The following LETM1 variants were observed in gnomAD, a reference collection of about 807,000 sequenced individuals.
LETM1 encodes the protein leucine zipper and EF-hand containing transmembrane protein 1, also known as mitochondrial proton/calcium exchanger protein.
LETM1 carries 50 observed loss-of-function variants against 74.5 expected under a neutral mutation model. That is an observed-to-expected ratio of 0.67 (90% confidence interval 0.53 to 0.85). LETM1 has a LOEUF of 0.85. Ranked by LOEUF, LETM1 falls within the 40% of genes least tolerant of loss-of-function variation. The pLI is 0.00. For synonymous variants in LETM1, 446 were observed against 407.1 expected, an observed-to-expected ratio of 1.10 and a Z score of -1.15; for missense variants, 824 against 967.8, an observed-to-expected ratio of 0.85 and a Z score of 1.97.
chr4:1,828,259 G>A (rs1355654240), intron 6 of LETM1, among the ~76,000 whole-genome samples: 27 of 126,294 alleles, frequency 2.1e-4, no homozygotes, highest in East Asian at 5.2e-4. Context: ...CGGACGGGGC[G>A]GCTGGCCGGG....
intron 8 of LETM1, 39 bp downstream of exon 8, chr4:1,823,605 T>C (rs914837906): frequency 1.5e-5 from 24 of 1,609,736 alleles, no homozygotes; most frequent in Non-Finnish European, 2.0e-5. Flanking sequence ...GAGCCACCTA[T>C]GAAGAGATGA....
rs1713235895 is a variant in LETM1, at chr4:1,856,128, C to A, written c.-178G>T. 1 of 348,874 alleles carries A rather than the reference C, an allele frequency of 2.9e-6. No individual in the cohort carries two copies. The highest frequency in any genetic ancestry group is 5.0e-6 in the Non-Finnish European group (1 of 198,916). The allele number at this position is 348,874 out of a possible 1,614,324, so 21.6% of individuals were successfully genotyped here. On this transcript the variant is annotated 5_prime_UTR_variant, in exon 1 of 14. Transcript: ENST00000302787. ...GACCCGGCACCAGCGGCGGCCTTGT[C>A]CCGGCACAGACGTCCGGAGGCGCGG... is the stretch of plus-strand genomic sequence containing the variant.
chr4:1,817,452 C>G (rs1267148523), intron 11 of LETM1, among the ~76,000 whole-genome samples: 1 of 149,332 alleles, frequency 6.7e-6, no homozygotes, highest in Non-Finnish European at 1.5e-5. Context: ...TGCCAGCTAC[C>G]CAGGAGTCTG....
intron 2 of LETM1, among the ~76,000 whole-genome samples, chr4:1,848,128 G>C (rs564507655): frequency 1.3e-5 from 2 of 152,120 alleles, no homozygotes; most frequent in Non-Finnish European, 2.9e-5. Flanking sequence ...TTTCTGCCAG[G>C]CATGGTGGCT....
At position 1,834,537 on chromosome 4, in the gene LETM1, C is replaced by A; in HGVS notation, c.876+308G>T. 1 of 1,143,850 alleles carries A rather than the reference C, an allele frequency of 8.7e-7. No individual in the cohort carries two copies. The highest frequency in any genetic ancestry group is 1.1e-6 in the Non-Finnish European group (1 of 927,852). 70.9% of individuals were successfully genotyped at this position (1,143,850 alleles called of 1,614,324 possible). On this transcript the variant is annotated intron_variant, in intron 5 of 13. Coordinates refer to ENST00000302787, the MANE Select transcript of LETM1 (RefSeq NM_012318.3). This position sits in a 1 kb window ranked among gnomAD's most constrained non-coding sequence, Gnocchi z 5.0. ...GCCCGGCCAAGCCACCCACACCTCA[C>A]ACCATCAGGGTCTCAGGCTCCTCAT...
chr4:1,831,622 C>G (rs897995768), intron 6 of LETM1, among the ~76,000 whole-genome samples: 1 of 152,258 alleles, frequency 6.6e-6, no homozygotes, highest in Non-Finnish European at 1.5e-5. Context: ...GGCTGGCCCC[C>G]TCAGCCTTCT....
chr4:1,840,697 A>AAAG (rs999725709), intron 3 of LETM1, among the ~76,000 whole-genome samples: 2 of 151,072 alleles, frequency 1.3e-5, no homozygotes, highest in African/African-American at 2.4e-5. Flanking sequence ...ATAAATATAA[A>AAAG]AATAATAATA....
At chr4:1,824,713 C>T (rs1007703809) in intron 7 of LETM1, among the ~76,000 whole-genome samples, 1 of 152,222 alleles carries the variant, frequency 6.6e-6, no homozygotes, top group Non-Finnish European at 1.5e-5. Context: ...GCAGGGACAG[C>T]ACCTGCCCCC....
chr4:1,835,048 T>A lies in LETM1; in HGVS notation c.739-66A>T, dbSNP rs577513480. On this transcript the variant is annotated intron_variant, in intron 4 of 13. Transcript: ENST00000302787. ...CTGTGGTTCGGGCAAGGAAAACATC[T>A]CACGCCTGTGCCCGACCCCCACTCC... 71 of 1,536,792 alleles carry A rather than the reference T, an allele frequency of 4.6e-5. 1 individual carries two copies. In the South Asian group the frequency reaches 7.9e-4, roughly 17 times the overall value.
intron 1 of LETM1, among the ~76,000 whole-genome samples, chr4:1,851,126 T>A (rs1415205725): frequency 2.0e-5 from 3 of 152,090 alleles, no homozygotes; most frequent in African/African-American, 7.2e-5. Context: ...TCAGAGCCCA[T>A]TGTGATCAAA....
intron 6 of LETM1, among the ~76,000 whole-genome samples, chr4:1,831,341 T>A (rs1712261702): frequency 6.6e-6 from 1 of 152,238 alleles, no homozygotes; most frequent in East Asian, 1.9e-4. Context: ...ACAGCGGTGC[T>A]GCTTGCTACC....
chr4:1,823,899 CTGTT>C, intron 7 of LETM1, 124 bp from the exon 8 acceptor site: 1 of 1,101,682 alleles, frequency 9.1e-7, no homozygotes, highest in Middle Eastern at 2.1e-4. Context: ...TCTACAAGGT[CTGTT>C]TGTTGCTGTG....
At position 1,812,364 on chromosome 4, in the gene LETM1, C is replaced by CAAAAAAAAA. The variant is rs5855720; in HGVS notation, c.*2051_*2059dup. On this transcript the variant is annotated 3_prime_UTR_variant, in exon 14 of 14. Coordinates refer to ENST00000302787, the MANE Select transcript of LETM1 (RefSeq NM_012318.3). The stretch of plus-strand genomic sequence containing the variant: ...TGGGTGACAGAGCGAGACTCTGTAT[C>CAAAAAAAAA]AAAAAAAAAAAAAAAAAAAAAAAAA... The CAAAAAAAAA allele has an allele frequency of 2.4e-5, 1 of 42,072 alleles. No individual in the cohort carries two copies. 2.6% of individuals were successfully genotyped at this position (42,072 alleles called of 1,614,324 possible).
At chr4:1,854,258 G>T (rs1178037176) in intron 1 of LETM1, among the ~76,000 whole-genome samples, 8 of 151,934 alleles carry the variant, frequency 5.3e-5, no homozygotes. Context: ...GAGGTGGGTG[G>T]ATCACGAGGT....
At chr4:1,842,973 G>T in intron 2 of LETM1, 1 of 323,068 alleles carries the variant, frequency 3.1e-6, no homozygotes, top group African/African-American at 2.2e-5. Context: ...CCTGCTGATT[G>T]GACACAAATC....
chr4:1,830,919 T>C (rs907348611), intron 6 of LETM1, among the ~76,000 whole-genome samples: 1 of 152,182 alleles, frequency 6.6e-6, no homozygotes, highest in African/African-American at 2.4e-5. Flanking sequence ...CGGTGGGTAT[T>C]CTAATTTGCA....
chr4:1,828,810 G>A (rs1451813915), intron 6 of LETM1, among the ~76,000 whole-genome samples: 2 of 140,574 alleles, frequency 1.4e-5, no homozygotes, highest in Non-Finnish European at 3.1e-5. Context: ...CGGGCAGGGG[G>A]GCTGACCCCC....
chr4:1,822,093 A>G, intron 10 of LETM1, 88 bp downstream of exon 10: 1 of 1,278,988 alleles, frequency 7.8e-7, no homozygotes, highest in Non-Finnish European at 1.0e-6. Flanking sequence ...TGCCCCAGCT[A>G]ACCTGTCCCC....
At chr4:1,816,597 T>C (rs1711578063) in intron 12 of LETM1, 130 bp downstream of exon 12, 7 of 827,702 alleles carry the variant, frequency 8.5e-6, no homozygotes, top group Non-Finnish European at 1.3e-5. Context: ...TGGTCAAAGG[T>C]GGAGAGGCAG....
Sources: gnomAD v4.1 joint callset for allele counts (sites outside exome capture counted in the v4.1 genomes callset) on GRCh38, gnomAD v4.1.1 for gene constraint, Gnocchi (gnomAD v3.1) non-coding constraint, MANE v1.5 for transcripts, NCBI Gene and HGNC (gene_info 2026-07-23, HGNC 2026-07-21) for gene names.